The following RXFP1 variants were observed in gnomAD, a reference collection of about 807,000 sequenced individuals.
The protein encoded by RXFP1 is relaxin family peptide receptor 1, also known as relaxin receptor 1.
A neutral mutation model predicts 89.8 loss-of-function variants in RXFP1; 73 were observed. The observed-to-expected ratio is 0.81, with a 90% confidence interval of 0.67 to 0.99. The LOEUF is 0.99. Among genes scored for constraint, RXFP1 ranks in the 50% least tolerant of loss-of-function variants. RXFP1 has a pLI of 0.00. For missense variants in RXFP1, 793 were observed against 895.5 expected (o/e 0.89, Z 1.46); for synonymous variants, 277 against 305.5 (o/e 0.91, Z 0.97).
intron 2 of RXFP1, among the ~76,000 whole-genome samples, chr4:158,588,386 T>C (rs1288843431): frequency 1.3e-5 from 2 of 152,204 alleles, no homozygotes; most frequent in Admixed American, 1.3e-4. Flanking sequence ...AGACAGAAAT[T>C]AGGTAAGCAG....
At chr4:158,572,381 A>G (rs1755271386) in intron 1 of RXFP1, among the ~76,000 whole-genome samples, 1 of 152,202 alleles carries the variant, frequency 6.6e-6, no homozygotes, top group African/African-American at 2.4e-5. Context: ...TATTGGCTGA[A>G]AATTGTTTGT....
intron 4 of RXFP1, among the ~76,000 whole-genome samples, chr4:158,601,500 C>A (rs1157238221): frequency 6.6e-6 from 1 of 151,912 alleles, no homozygotes; most frequent in Non-Finnish European, 1.5e-5. Context: ...ATTTTTTGTT[C>A]AAAAAATAGC....
chr4:158,610,561 C>A, intron 6 of RXFP1: 1 of 535,386 alleles, frequency 1.9e-6, no homozygotes. Flanking sequence ...TTTAAAAGTA[C>A]TTAAGTTCCA....
intron 1 of RXFP1, among the ~76,000 whole-genome samples, chr4:158,559,051 A>C (rs1423875831): frequency 1.3e-5 from 2 of 152,240 alleles, no homozygotes; most frequent in Non-Finnish European, 2.9e-5. Flanking sequence ...CATAAGTTAA[A>C]ATGTTGACCA....
At chr4:158,560,586 G>A (rs1752234099) in intron 1 of RXFP1, among the ~76,000 whole-genome samples, 1 of 152,156 alleles carries the variant, frequency 6.6e-6, no homozygotes, top group Non-Finnish European at 1.5e-5. Flanking sequence ...ACAAAGAAGC[G>A]TTTATTTTTC....
chr4:158,540,583 A>C (rs1746366528), intron 1 of RXFP1, among the ~76,000 whole-genome samples: 1 of 150,376 alleles, frequency 6.6e-6, no homozygotes, highest in Non-Finnish European at 1.5e-5. Context: ...TCATCCTGTG[A>C]CTAAGAATGC....
At chr4:158,558,758 T>C (rs1181439328) in intron 1 of RXFP1, among the ~76,000 whole-genome samples, 2 of 152,138 alleles carry the variant, frequency 1.3e-5, no homozygotes, top group Non-Finnish European at 2.9e-5. Flanking sequence ...TGGTCATGTA[T>C]AGAAAAAATA....
At chr4:158,547,730 G>A (rs1378548836) in intron 1 of RXFP1, among the ~76,000 whole-genome samples, 4 of 152,160 alleles carry the variant, frequency 2.6e-5, no homozygotes, top group Non-Finnish European at 2.9e-5. Context: ...TCAGGAGCAA[G>A]TTGTTCAGTT....
rs199773919 is a variant in RXFP1 at position 158,628,679 on chromosome 4, C to T, written c.869C>T (p.Thr290Ile). ...KNKINHLNEN[T>I]FAPLQKLDEL... ...AAAATTAATCACTTAAATGAAAATA[C>T]TTTTGCACCTCTCCAGAAACTGGAT... Residue 290 changes from threonine (T) to isoleucine (I), a missense_variant, in exon 11 of 18, where the codon ACT (threonine) becomes ATT (isoleucine). Physicochemically the swap from Thr to Ile is moderately conservative, Grantham distance 89. Coordinates refer to ENST00000307765, the MANE Select transcript of RXFP1 (RefSeq NM_021634.4). The T allele has an allele frequency of 1.0e-4, 158 of 1,578,512 alleles. 1 individual carries two copies. The East Asian group carries it at 3.4e-3, about 34-fold the overall frequency.
At chr4:158,624,633 G>T in intron 9 of RXFP1, among the ~76,000 whole-genome samples, 1 of 152,128 alleles carries the variant, frequency 6.6e-6, no homozygotes, top group African/African-American at 2.4e-5. Flanking sequence ...CTTGCAGCTA[G>T]GGAGCAAGAA....
chr4:158,608,095 A>C, intron 6 of RXFP1, 52 bp downstream of exon 6: 1 of 1,209,892 alleles, frequency 8.3e-7, no homozygotes, highest in Non-Finnish European at 1.2e-6. Context: ...CTGACAGCCT[A>C]GACTATTCCA....
rs1308786822 is a variant in RXFP1, at chr4:158,572,740, A to G, written c.92A>G (p.Tyr31Cys). ...GGQDVKCSLG[Y>C]FPCGNITKCL... ...CAGGATGTCAAGTGCTCCCTTGGCT[A>G]TTTCCCCTGTGGGAACATCACAAAG... The change falls in exon 2 of 18, where the codon TAT becomes TGT. Residue 31 changes from tyrosine to cysteine, a missense_variant. By Grantham distance (194) the Tyr-to-Cys change is radical (BLOSUM62 -2). Coordinates refer to ENST00000307765, the MANE Select transcript of RXFP1 (RefSeq NM_021634.4). 1.9e-6 allele frequency: 3 copies of G among 1,614,006 alleles called. No individual in the cohort carries two copies. Among genetic ancestry groups the G allele is most frequent in the Non-Finnish European group, 2.5e-6 (3 of 1,180,016 alleles).
chr4:158,539,701 T>A (rs1197824350), intron 1 of RXFP1, among the ~76,000 whole-genome samples: 1 of 152,184 alleles, frequency 6.6e-6, no homozygotes, highest in Admixed American at 6.5e-5. Context: ...TGCTTACAAT[T>A]TCATGGATTG....
intron 9 of RXFP1, among the ~76,000 whole-genome samples, chr4:158,621,491 G>A (rs534942940): frequency 2.0e-5 from 3 of 152,094 alleles, no homozygotes; most frequent in Admixed American, 2.0e-4. Context: ...AAGAAAGAAG[G>A]TATAGTGCAT....
intron 12 of RXFP1, among the ~76,000 whole-genome samples, chr4:158,637,729 T>C (rs1769476791): frequency 6.6e-6 from 1 of 152,188 alleles, no homozygotes; most frequent in South Asian, 2.1e-4. Flanking sequence ...GCAGAGGCTT[T>C]TTAGTTTTAT....
chr4:158,581,726 T>C (rs181788706), intron 2 of RXFP1, among the ~76,000 whole-genome samples: 1 of 152,244 alleles, frequency 6.6e-6, no homozygotes, highest in Admixed American at 6.5e-5. Context: ...GAGACATTGA[T>C]GCACTGCATC....
Position 158,611,596 on chromosome 4 carries a change from T to TGCCTG in RXFP1, c.537-533_537-529dup, listed in dbSNP as rs201573200. Among the ~76,000 whole-genome samples the TGCCTG allele has an allele frequency of 1.3e-3, 197 of 152,346 alleles. 2 individuals are homozygous for TGCCTG. The East Asian group carries it at 0.018, about 14-fold the overall frequency. On this transcript the variant is annotated intron_variant, in intron 6 of 17. Transcript: ENST00000307765. ...TATTTCCTCTGCCTAGAATAGCTCC[T>TGCCTG]GCCTGTTCTTTGCTTTGTGAATTGC...
rs551490855 is a variant in RXFP1, at chr4:158,598,930, T to G, written c.287-396T>G. 8.7e-4 allele frequency among the ~76,000 whole-genome samples: 133 copies of G among 152,008 alleles called. No individual in the cohort carries two copies. In the Middle Eastern group the frequency reaches 0.01, roughly 12 times the overall value. On this transcript the variant is annotated intron_variant, in intron 3 of 17. Coordinates refer to ENST00000307765, the MANE Select transcript of RXFP1 (RefSeq NM_021634.4). Reference sequence around the variant, plus strand: ...AAGGTTTTGATTATACTAAATACTTTATTTTTAAGTGGCAGTTGTAGTATG... The same window carrying G: ...AAGGTTTTGATTATACTAAATACTTGATTTTTAAGTGGCAGTTGTAGTATG...
At chr4:158,598,281 A>G (rs750366991) in intron 3 of RXFP1, among the ~76,000 whole-genome samples, 2 of 152,206 alleles carry the variant, frequency 1.3e-5, no homozygotes, top group African/African-American at 2.4e-5. Context: ...CATTGTATTT[A>G]TGGCTTCTTT....
Sources: gnomAD v4.1 joint callset for allele counts (sites outside exome capture counted in the v4.1 genomes callset) on GRCh38, gnomAD v4.1.1 for gene constraint, MANE v1.5 for transcripts, NCBI Gene and HGNC (gene_info 2026-07-23, HGNC 2026-07-21) for gene names.